Variants in PRMT7 observed in about 807,000 individuals in gnomAD.
PRMT7 encodes protein arginine methyltransferase 7.
Under a neutral mutation model 85.4 loss-of-function variants are expected in PRMT7, and 75 were observed. The ratio of observed to expected loss-of-function variants is 0.88; its 90% CI spans 0.73 to 1.06. The LOEUF (loss-of-function observed/expected upper bound fraction) is 1.06, where lower values mean the gene tolerates loss of function less well. Ranked by LOEUF, PRMT7 falls within the 50% of genes least tolerant of loss-of-function variation. The probability of loss-of-function intolerance (pLI) is 0.00; values close to 1 mark genes in which losing one functional copy is unlikely to be tolerated. For missense variants in PRMT7, 868 were observed against 915.2 expected (o/e 0.95, Z 0.67); for synonymous variants, 397 against 359.5 (o/e 1.10, Z -1.18).
downstream of PRMT7, chr16:68,360,287 G>T (rs1438108117): frequency 2.0e-5 from 3 of 152,394 alleles, no homozygotes; most frequent in African/African-American, 7.2e-5. Context: ...GCTACAAATA[G>T]ATTATTTTCA....
At chr16:68,312,428 G>A (rs1211753275) in intron 2 of PRMT7, among the ~76,000 whole-genome samples, 4 of 151,822 alleles carry the variant, frequency 2.6e-5, no homozygotes. Flanking sequence ...GTAGAGAACG[G>A]GGTCTCACTA....
intron 7 of PRMT7, among the ~76,000 whole-genome samples, chr16:68,339,112 A>G (rs1051362867): frequency 3.3e-5 from 5 of 152,192 alleles, no homozygotes; most frequent in African/African-American, 1.2e-4. Context: ...CATTTTAGGC[A>G]CAGTGTGTGT....
intron 5 of PRMT7, among the ~76,000 whole-genome samples, chr16:68,326,310 ATC>A: frequency 6.6e-6 from 1 of 152,188 alleles, no homozygotes; most frequent in South Asian, 2.1e-4. Flanking sequence ...TCGTGGCGTG[ATC>A]TCTATTCACC....
In PRMT7 at chr16:68,347,255, C is replaced by T. The variant is rs755920163; in HGVS notation, c.1236C>T (p.Ser412=). The change falls in exon 12 of 19, where the codon AGC becomes AGT. Residue 412 remains serine, a synonymous_variant. Coordinates refer to ENST00000441236, the MANE Select transcript of PRMT7 (RefSeq NM_019023.5). ...TGTGCCTGTGTGTCAGCGATGGCAG[C>T]CTGCTCTCCGTGCTGGCCCATCACC... ...DSVCLCVSDG[S]LLSVLAHHLG... 21 of 1,553,478 alleles carry T rather than the reference C, an allele frequency of 1.4e-5. No homozygotes were observed. In the African/African-American group the frequency reaches 2.5e-4, roughly 18 times the overall value.
Position 68,339,480 on chromosome 16 carries a change from C to T in PRMT7, c.663C>T (p.Gly221=), listed in dbSNP as rs531083026. 5.0e-6 allele frequency: 8 copies of T among 1,614,194 alleles called. No individual in the cohort carries two copies. In the Admixed American group the frequency reaches 6.7e-5, roughly 13 times the overall value. The change falls in exon 8 of 19, where the codon GGC becomes GGT. Residue 221 remains glycine, a synonymous_variant. Coordinates refer to ENST00000441236, the MANE Select transcript of PRMT7 (RefSeq NM_019023.5). The part of the protein sequence containing the change: ...VPPVDVESCP[G]APSVCDIQLN... Reference sequence around the variant, plus strand: ...CCGTTGACGTGGAGAGCTGCCCTGGCGCACCCTCTGTCTGTGACATTCAGC... The same window carrying T: ...CCGTTGACGTGGAGAGCTGCCCTGGTGCACCCTCTGTCTGTGACATTCAGC...
intron 5 of PRMT7, among the ~76,000 whole-genome samples, chr16:68,328,799 G>A (rs546248473): frequency 1.3e-5 from 2 of 152,254 alleles, no homozygotes; most frequent in South Asian, 2.1e-4. Flanking sequence ...CTCTTGTGCG[G>A]TACTGACACC....
At position 68,337,566 on chromosome 16, in the gene PRMT7, G is replaced by T. The variant is rs138763605; in HGVS notation, c.499G>T (p.Val167Leu). Residue 167 changes from valine (V) to leucine (L), a missense_variant, in exon 7 of 19, where the codon GTG becomes TTG. Val to Leu is a conservative substitution (Grantham distance 32, BLOSUM62 1). Transcript: ENST00000441236. The part of the protein sequence containing the change: ...PSYEHAHRHL[V>L]EENCEAVPHR... The stretch of plus-strand genomic sequence containing the variant: ...CTATGAGCACGCACACAGGCATCTC[G>T]TGGAGGTAGTAGACGGAGGGCTCCC... The T allele has an allele frequency of 6.2e-7, 1 of 1,603,660 alleles. No individual in the cohort carries two copies. Among genetic ancestry groups the T allele is most frequent in the African/African-American group, 1.3e-5 (1 of 74,546 alleles).
chr16:68,313,115 G>C (rs536832697), intron 2 of PRMT7, among the ~76,000 whole-genome samples: 1 of 152,192 alleles, frequency 6.6e-6, no homozygotes, highest in Admixed American at 6.5e-5. Context: ...GTGAGTCACC[G>C]TGCCTGGGCT....
At chr16:68,320,675 T>G (rs1197926846) in intron 3 of PRMT7, among the ~76,000 whole-genome samples, 1 of 152,188 alleles carries the variant, frequency 6.6e-6, no homozygotes, top group African/African-American at 2.4e-5. Flanking sequence ...TGACCAGTTT[T>G]GGGGCCTGTT....
At chr16:68,331,469 CT>C (rs57038859) in intron 6 of PRMT7, among the ~76,000 whole-genome samples, 200 of 114,464 alleles carry the variant, frequency 1.7e-3, no homozygotes, top group Non-Finnish European at 1.9e-3. Flanking sequence ...CTTTGTTGTT[CT>C]TTTTTTTTTT....
chr16:68,348,326 C>G lies in PRMT7; in HGVS notation c.1324-16C>G. ...CTTTAGTATGAATACAGTAATTTTA[C>G]GGTTTTCTTTCTAAGATCTTCAAGG... On this transcript the variant is annotated splice_polypyrimidine_tract_variant and intron_variant, in intron 13 of 18. Coordinates refer to ENST00000441236, the MANE Select transcript of PRMT7 (RefSeq NM_019023.5). The G allele has an allele frequency of 6.4e-7, 1 of 1,554,162 alleles. No individual in the cohort carries two copies. The highest frequency in any genetic ancestry group is 1.1e-5 in the South Asian group (1 of 89,076).
chr16:68,311,105 G>T lies in PRMT7; in HGVS notation c.-219+6G>T, dbSNP rs989669452. On this transcript the variant is annotated splice_donor_region_variant and intron_variant, in intron 1 of 18. Coordinates refer to ENST00000441236, the MANE Select transcript of PRMT7 (RefSeq NM_019023.5). ...CGGAGGGTTTCCCGCGGCGGGTGAG[G>T]CGCTGGGTATGCTGGGAAGGTGGGG... The T allele has an allele frequency of 4.1e-5, 29 of 703,622 alleles. No homozygotes were observed. Among genetic ancestry groups the T allele is most frequent in the Non-Finnish European group, 5.6e-5 (22 of 390,734 alleles). 43.6% of individuals were successfully genotyped at this position (703,622 alleles called of 1,614,324 possible).
At position 68,324,733 on chromosome 16, in the gene PRMT7, C is replaced by T. The variant is rs2082901350; in HGVS notation, c.183C>T (p.Asp61=). The T allele has an allele frequency of 2.5e-6, 4 of 1,614,046 alleles. No homozygotes were observed. The highest frequency in any genetic ancestry group is 1.3e-5 in the African/African-American group (1 of 74,930). The change falls in exon 5 of 19, where the codon GAC becomes GAT. Residue 61 remains aspartate, a synonymous_variant. Transcript: ENST00000441236. ...GIRAAVSRVK[D]RGQKALVLDI... ...GGGCTGCCGTGAGCAGGGTGAAGGACAGAGGACAGAAGGCCTTGGTTCTCG... is the reference window on the plus strand; with the variant it reads ...GGGCTGCCGTGAGCAGGGTGAAGGATAGAGGACAGAAGGCCTTGGTTCTCG...
Position 68,352,371 on chromosome 16 carries a change from C to T in PRMT7, c.1537C>T (p.Gln513Ter), listed in dbSNP as rs1289762550. 4.3e-6 allele frequency: 7 copies of T among 1,609,384 alleles called. No homozygotes were observed. The highest frequency in any genetic ancestry group is 5.9e-6 in the Non-Finnish European group (7 of 1,179,850). ...HLGPGAMVMP[Q>*]AASLHAVVVE... ...GGGGCCAGGTGCCATGGTGATGCCC[C>T]AGGCAGCCTCGCTGCACGCTGTGGT... Residue 513 changes from glutamine (Q) to a stop codon, truncating the protein, a stop_gained, in exon 15 of 19, where the codon CAG becomes TAG. Transcript: ENST00000441236. LOFTEE classifies it high-confidence loss of function.
At chr16:68,325,164 C>T (rs1729540133) in intron 5 of PRMT7, among the ~76,000 whole-genome samples, 1 of 151,772 alleles carries the variant, frequency 6.6e-6, no homozygotes, top group Non-Finnish European at 1.5e-5. Flanking sequence ...TTGAGACCAG[C>T]CTGGGCAACA....
chr16:68,311,040 G>C lies in PRMT7; in HGVS notation c.-278G>C. ...CCTCGACGCTGCGAGGTCCCGCCCC[G>C]CGTGCTGGCCGCGGTAAAAGTGGTA... On this transcript the variant is annotated 5_prime_UTR_variant, in exon 1 of 19. Coordinates refer to ENST00000441236, the MANE Select transcript of PRMT7 (RefSeq NM_019023.5). 2.0e-6 allele frequency: 2 copies of C among 996,682 alleles called. No individual in the cohort carries two copies. The highest frequency in any genetic ancestry group is 2.7e-5 in the South Asian group (2 of 72,732). The allele number at this position is 996,682 out of a possible 1,614,324, so 61.7% of individuals were successfully genotyped here. A position where few individuals can be genotyped will look rare whatever the true frequency, so the allele number is the denominator to read the frequency against.
intron 3 of PRMT7, among the ~76,000 whole-genome samples, chr16:68,320,316 T>A (rs983828488): frequency 6.6e-6 from 1 of 152,044 alleles, no homozygotes; most frequent in East Asian, 1.9e-4. Flanking sequence ...CACAGAAATA[T>A]AGAGTGCAGA....
intron 16 of PRMT7, 135 bp from the exon 17 acceptor site, chr16:68,355,588 G>T: frequency 1.0e-6 from 1 of 953,194 alleles, no homozygotes; most frequent in Non-Finnish European, 1.4e-6. Context: ...CCGCTGGTCT[G>T]CTGGGCGCTC....
At chr16:68,330,014 C>T (rs944966326) in intron 6 of PRMT7, among the ~76,000 whole-genome samples, 4 of 152,040 alleles carry the variant, frequency 2.6e-5, no homozygotes, top group African/African-American at 9.7e-5. Flanking sequence ...CTGCCTCAGC[C>T]TCCCAAGTAG....
Sources: allele counts gnomAD v4.1 joint callset (sites outside exome capture counted in the v4.1 genomes callset), GRCh38; gene constraint gnomAD v4.1.1; transcripts MANE v1.5; gene names NCBI Gene and HGNC (gene_info 2026-07-23, HGNC 2026-07-21).